SEMA3E: variants seen among roughly 807,000 people sequenced by gnomAD.
SEMA3E encodes the protein semaphorin-3E.
In SEMA3E, 49 loss-of-function variants were observed where a neutral mutation model predicts 93.6. The ratio of observed to expected loss-of-function variants is 0.52; its 90% CI spans 0.42 to 0.66. The LOEUF is 0.66. Among genes scored for constraint, SEMA3E ranks in the 30% least tolerant of loss-of-function variants. SEMA3E has a pLI of 0.00. For synonymous variants in SEMA3E, 363 were observed against 330.7 expected (o/e 1.10, Z -1.06); for missense variants, 906 against 964.8 (o/e 0.94, Z 0.81).
intron 4 of SEMA3E, among the ~76,000 whole-genome samples, chr7:83,457,287 A>C (rs1418935641): frequency 6.6e-6 from 1 of 152,178 alleles, no homozygotes; most frequent in Non-Finnish European, 1.5e-5. Context: ...AGGGTTTAAT[A>C]ATTCAGTCTA....
chr7:83,508,412 G>A (rs1376051466), intron 1 of SEMA3E, among the ~76,000 whole-genome samples: 5 of 151,912 alleles, frequency 3.3e-5, no homozygotes, highest in South Asian at 2.1e-4. Flanking sequence ...ACAGGCGTGC[G>A]CCACCACACC....
Position 83,400,076 on chromosome 7 carries a change from G to T in SEMA3E, c.1318C>A (p.Arg440=). The part of the protein sequence containing the change: ...KYNLKQIAVD[R]VEAEDGQYDV... The stretch of plus-strand genomic sequence containing the variant: ...TATTGGCCATCCTCAGCTTCCACTC[G>T]ATCTACTGCTATTTGTTTCAGGTTA... The change falls in exon 11 of 17, where the codon CGA becomes AGA. Residue 440 remains arginine (R), a synonymous_variant. Coordinates refer to ENST00000643230, the MANE Select transcript of SEMA3E (RefSeq NM_012431.3). 1 of 1,613,930 alleles carries T rather than the reference G, an allele frequency of 6.2e-7. No individual in the cohort carries two copies. Among genetic ancestry groups the T allele is most frequent in the Non-Finnish European group, 8.5e-7 (1 of 1,179,954 alleles).
intron 4 of SEMA3E, among the ~76,000 whole-genome samples, chr7:83,459,247 A>G (rs1789559731): frequency 6.6e-6 from 1 of 152,162 alleles, no homozygotes; most frequent in African/African-American, 2.4e-5. Flanking sequence ...AAAGCTTTAC[A>G]TTAGAAAGAG....
intron 4 of SEMA3E, among the ~76,000 whole-genome samples, chr7:83,436,176 ATGTG>A (rs763413481): frequency 2.0e-4 from 30 of 151,262 alleles, no homozygotes; most frequent in Non-Finnish European, 3.8e-4. Context: ...TCTCTAACAT[ATGTG>A]TGTGTGTGTA....
intron 1 of SEMA3E, among the ~76,000 whole-genome samples, chr7:83,579,620 G>A (rs111979268): frequency 0.018 from 2,671 of 152,172 alleles, 77 homozygotes; most frequent in African/African-American, 0.059. Flanking sequence ...GCAATGCTAG[G>A]TCAATGCAAA....
intron 3 of SEMA3E, among the ~76,000 whole-genome samples, chr7:83,467,993 A>C (rs1375881770): frequency 6.6e-6 from 1 of 152,252 alleles, no homozygotes; most frequent in Non-Finnish European, 1.5e-5. Context: ...TTCCATTAAA[A>C]ATAAATTATG....
intron 1 of SEMA3E, among the ~76,000 whole-genome samples, chr7:83,617,743 G>A (rs1032514009): frequency 6.7e-6 from 1 of 148,668 alleles, no homozygotes; most frequent in African/African-American, 2.4e-5. Flanking sequence ...GTCGACTCAT[G>A]TGCCAGATGC....
intron 1 of SEMA3E, among the ~76,000 whole-genome samples, chr7:83,631,486 C>T (rs1256069639): frequency 1.3e-5 from 2 of 152,162 alleles, no homozygotes; most frequent in East Asian, 1.9e-4. Flanking sequence ...ATAAGAATTT[C>T]GACAATGAAT....
At chr7:83,515,767 C>T (rs1293943921) in intron 1 of SEMA3E, among the ~76,000 whole-genome samples, 1 of 152,162 alleles carries the variant, frequency 6.6e-6, no homozygotes, top group Non-Finnish European at 1.5e-5. Context: ...GTGGCTCATG[C>T]CTGTAATCTC....
At chr7:83,609,240 G>A (rs1414438956) in intron 1 of SEMA3E, among the ~76,000 whole-genome samples, 1 of 152,010 alleles carries the variant, frequency 6.6e-6, no homozygotes, top group East Asian at 1.9e-4. Context: ...TTCATAAAAT[G>A]ATGATATTTA....
At chr7:83,461,348 T>C (rs925434494) in intron 4 of SEMA3E, among the ~76,000 whole-genome samples, 2 of 152,140 alleles carry the variant, frequency 1.3e-5, no homozygotes, top group African/African-American at 2.4e-5. Flanking sequence ...CCCAGGCTGC[T>C]CCTCGCCAGG....
intron 1 of SEMA3E, among the ~76,000 whole-genome samples, chr7:83,612,901 G>T (rs1793293336): frequency 6.7e-6 from 1 of 150,288 alleles, no homozygotes. Context: ...AAAAGAGTTT[G>T]ATATATAAAG....
chr7:83,394,244 T>G, intron 13 of SEMA3E, 53 bp downstream of exon 13: 1 of 1,550,914 alleles, frequency 6.4e-7, no homozygotes, highest in Non-Finnish European at 8.8e-7. Flanking sequence ...TGACCTTACC[T>G]TAGCTCACAT....
chr7:83,542,299 A>G (rs1227950537), intron 1 of SEMA3E, among the ~76,000 whole-genome samples: 3 of 152,090 alleles, frequency 2.0e-5, no homozygotes, highest in Non-Finnish European at 2.9e-5. Context: ...ATTTGAGGTT[A>G]CAGTGAGCTA....
intron 11 of SEMA3E, among the ~76,000 whole-genome samples, chr7:83,397,821 G>A (rs1584219779): frequency 6.6e-6 from 1 of 152,122 alleles, no homozygotes; most frequent in East Asian, 1.9e-4. Flanking sequence ...TCTTATGGAT[G>A]AGATAATAAA....
chr7:83,483,174 T>C (rs1276117513), intron 2 of SEMA3E, among the ~76,000 whole-genome samples: 2 of 152,146 alleles, frequency 1.3e-5, no homozygotes, highest in African/African-American at 4.8e-5. Context: ...AAATTTAGCA[T>C]TTCTATCAGA....
intron 1 of SEMA3E, among the ~76,000 whole-genome samples, chr7:83,642,603 A>G (rs1282232639): frequency 6.6e-6 from 1 of 152,102 alleles, no homozygotes; most frequent in African/African-American, 2.4e-5. Context: ...TAAGGAATTA[A>G]TAATAACACT....
intron 1 of SEMA3E, among the ~76,000 whole-genome samples, chr7:83,540,140 T>C (rs55876988): frequency 0.22 from 33,491 of 152,000 alleles, 3,874 homozygotes; most frequent in East Asian, 0.39. Context: ...TCGTCGGCCT[T>C]GCAAACTGCT....
At chr7:83,383,350 AAG>A (rs2116913758) in intron 16 of SEMA3E, among the ~76,000 whole-genome samples, 1 of 151,906 alleles carries the variant, frequency 6.6e-6, no homozygotes, top group African/African-American at 2.4e-5. Flanking sequence ...TTTCACAAAA[AAG>A]AGACATATAA....
Sources: allele counts gnomAD v4.1 joint callset (sites outside exome capture counted in the v4.1 genomes callset), GRCh38; gene constraint gnomAD v4.1.1; transcripts MANE v1.5; gene names NCBI Gene and HGNC (gene_info 2026-07-23, HGNC 2026-07-21).